The following STARD3 variants were observed in gnomAD, a reference collection of about 807,000 sequenced individuals.
The protein encoded by STARD3 is StAR related lipid transfer domain containing 3.
STARD3 carries 39 observed loss-of-function variants against 62.0 expected under a neutral mutation model. The observed-to-expected ratio is 0.63, with a 90% CI of 0.49 to 0.82. The LOEUF is 0.82. Among genes scored for constraint, STARD3 ranks in the 40% least tolerant of loss-of-function variants. STARD3 has a pLI of 0.00. For missense variants in STARD3, 543 were observed against 584.5 expected, an observed-to-expected ratio of 0.93 and a Z score of 0.73; for synonymous variants, 229 against 242.4, an observed-to-expected ratio of 0.94 and a Z score of 0.51.
At position 39,646,977 on chromosome 17, in the gene STARD3, G is replaced by A. The variant is rs542780568; in HGVS notation, c.-51-6504G>A. ...AGCACTTTGGGAGGCCGAGGTGGGC[G>A]GATCACAAGGTCAAGAGATCGAGAC... On this transcript the variant is annotated intron_variant, in intron 1 of 14. Transcript: ENST00000336308. Among the ~76,000 whole-genome samples the A allele has an allele frequency of 4.6e-5, 7 of 152,156 alleles. No homozygotes were observed. The South Asian group carries it at 8.3e-4, about 18-fold the overall frequency.
Position 39,660,056 on chromosome 17 carries a change from C to A in STARD3, c.796-155C>A. 1 of 691,670 alleles carries A rather than the reference C, an allele frequency of 1.4e-6. No individual in the cohort carries two copies. Among genetic ancestry groups the A allele is most frequent in the Admixed American group, 2.4e-5 (1 of 42,428 alleles). 42.8% of individuals were successfully genotyped at this position (691,670 alleles called of 1,614,324 possible). On this transcript the variant is annotated intron_variant, in intron 9 of 14. Transcript: ENST00000336308. This position sits in a 1 kb window ranked among gnomAD's most constrained non-coding sequence, Gnocchi z 4.8. The stretch of plus-strand genomic sequence containing the variant: ...TGCCAGTGCCATAGGTTTGTTAGAG[C>A]TACTGTTTTGTAACAGCTGCTCAGG...
intron 1 of STARD3, among the ~76,000 whole-genome samples, chr17:39,646,455 G>A (rs1380427490): frequency 6.6e-6 from 1 of 151,978 alleles, no homozygotes; most frequent in Non-Finnish European, 1.5e-5. Flanking sequence ...GCTTTGTTGT[G>A]TTGCCCAGAC....
chr17:39,655,187 T>C (rs894886892), intron 2 of STARD3, among the ~76,000 whole-genome samples: 1 of 152,210 alleles, frequency 6.6e-6, no homozygotes, highest in Non-Finnish European at 1.5e-5. Context: ...AATTTTACTT[T>C]CGTTTTGTTT....
At chr17:39,644,125 T>C (rs1363562479) in intron 1 of STARD3, among the ~76,000 whole-genome samples, 1 of 152,122 alleles carries the variant, frequency 6.6e-6, no homozygotes, top group Non-Finnish European at 1.5e-5. Context: ...GAGGGGGATG[T>C]GTGGAGGACC....
chr17:39,662,428 GCT>G (rs979171626), intron 14 of STARD3, 84 bp downstream of exon 14: 23 of 1,353,132 alleles, frequency 1.7e-5, no homozygotes, highest in Non-Finnish European at 2.4e-5. Context: ...GACTTTGGGG[GCT>G]CTCTGCCATG....
rs147310768 is a variant in STARD3 at position 39,661,075 on chromosome 17, A to C, written c.1129A>C (p.Lys377Gln). 6.2e-7 allele frequency: 1 copy of C among 1,613,414 alleles called. No homozygotes were observed. The highest frequency in any genetic ancestry group is 8.5e-7 in the Non-Finnish European group (1 of 1,180,002). Residue 377 changes from lysine to glutamine, a missense_variant, in exon 13 of 15, where the codon AAA (lysine) becomes CAA (glutamine). Physicochemically the swap from Lys to Gln is moderately conservative, Grantham distance 53. Transcript: ENST00000336308. ...TSHSAKPPTH[K>Q]YVRGENGPGG... The stretch of plus-strand genomic sequence containing the variant: ...ACACAGTGCCAAGCCCCCGACGCAC[A>C]AATATGTCCGGTGAGCCTCACTTTG...
At chr17:39,649,914 A>G (rs1178225948) in intron 1 of STARD3, among the ~76,000 whole-genome samples, 1 of 151,744 alleles carries the variant, frequency 6.6e-6, no homozygotes, top group Non-Finnish European at 1.5e-5. Context: ...ATTCCTTTAT[A>G]CAAAAGAAAT....
At chr17:39,662,712 C>A in intron 14 of STARD3, 92 bp from the exon 15 acceptor site, 2 of 1,247,268 alleles carry the variant, frequency 1.6e-6, no homozygotes, top group South Asian at 1.4e-5. Context: ...CACCTGCATT[C>A]TGGCCCAGAG....
intron 1 of STARD3, among the ~76,000 whole-genome samples, chr17:39,639,586 A>G (rs749443317): frequency 7.9e-5 from 12 of 152,180 alleles, no homozygotes; most frequent in Non-Finnish European, 1.5e-4. Flanking sequence ...GTGGGGGAAC[A>G]GGGGAGACGG....
At position 39,653,649 on chromosome 17, in the gene STARD3, C is replaced by T; in HGVS notation, c.118C>T (p.Pro40Ser). 1 of 1,614,126 alleles carries T rather than the reference C, an allele frequency of 6.2e-7. No homozygotes were observed. The highest frequency in any genetic ancestry group is 8.5e-7 in the Non-Finnish European group (1 of 1,180,040). ...CCTCTCCTCGCACCTCCTTCCGCCG[C>T]CTGAGAAGCGAAGGGCCATCTCTGA... ...QSLSSHLLPP[P>S]EKRRAISDVR... Residue 40 changes from proline to serine, a missense_variant, in exon 2 of 15, where the codon CCT (proline) becomes TCT (serine). Physicochemically the swap from Pro to Ser is moderately conservative, Grantham distance 74 (BLOSUM62 -1). Coordinates refer to ENST00000336308, the MANE Select transcript of STARD3 (RefSeq NM_006804.4).
At position 39,650,634 on chromosome 17, in the gene STARD3, C is replaced by G. The variant is rs534541318; in HGVS notation, c.-51-2847C>G. Among the ~76,000 whole-genome samples the G allele has an allele frequency of 9.1e-4, 139 of 152,164 alleles. 1 individual carries two copies. The highest frequency in any genetic ancestry group is 3.2e-3 in the African/African-American group (133 of 41,518). Reference sequence around the variant, plus strand: ...CCAGCTTGGGTAACATAGTGAGACCCTCGTCTCTAAAAAAAATAAAATAAA... The same window carrying G: ...CCAGCTTGGGTAACATAGTGAGACCGTCGTCTCTAAAAAAAATAAAATAAA... On this transcript the variant is annotated intron_variant, in intron 1 of 14. Coordinates refer to ENST00000336308, the MANE Select transcript of STARD3 (RefSeq NM_006804.4).
Position 39,662,907 on chromosome 17 carries a change from G to A in STARD3, c.1337G>A (p.Ter446=). The A allele has an allele frequency of 6.2e-7, 1 of 1,610,118 alleles. No homozygotes were observed. Among genetic ancestry groups the A allele is most frequent in the East Asian group, 2.2e-5 (1 of 44,516 alleles). The change falls in exon 15 of 15, where the codon TGA becomes TAA. Residue 446 remains the stop codon, a stop_retained_variant. Transcript: ENST00000336308. ...QRISELGARA[*] ...ATCAGCGAGCTGGGGGCCCGGGCGT[G>A]ACTGTGCCCCCTCCCACCCTGCGGG... is the stretch of plus-strand genomic sequence containing the variant.
In STARD3 at chr17:39,659,819, G is replaced by T. The variant is rs1018248541; in HGVS notation, c.795+266G>T. 10 of 495,882 alleles carry T rather than the reference G, an allele frequency of 2.0e-5. No homozygotes were observed. In the South Asian group the frequency reaches 2.3e-4, roughly 11 times the overall value. The allele number at this position is 495,882 out of a possible 1,614,324, so 30.7% of individuals were successfully genotyped here. A position where few individuals can be genotyped will look rare whatever the true frequency, so the allele number is the denominator to read the frequency against. ...CTCCAGGCTTTGAAGGGGAAGCCAG[G>T]CTTCTGCTCTGCATCCGTTGTTTCG... On this transcript the variant is annotated intron_variant, in intron 9 of 14. Transcript: ENST00000336308.
chr17:39,657,932 C>G (rs753884396), intron 4 of STARD3, 41 bp from the exon 5 acceptor site: 2 of 1,609,688 alleles, frequency 1.2e-6, no homozygotes, highest in Admixed American at 1.7e-5. Context: ...ACTCACTTCC[C>G]AGCCTCTGCC....
chr17:39,660,555 C>G lies in STARD3; in HGVS notation c.954+29C>G. ...AGCCCAGTCTGGCTGCCTCTTAAGG[C>G]ACAGATGGGGGCACAGCCACGCCTC... On this transcript the variant is annotated intron_variant, in intron 11 of 14. Transcript: ENST00000336308. This position sits in a 1 kb window ranked among gnomAD's most constrained non-coding sequence, Gnocchi z 4.8. 6.2e-7 allele frequency: 1 copy of G among 1,610,606 alleles called. No homozygotes were observed. Among genetic ancestry groups the G allele is most frequent in the African/African-American group, 1.3e-5 (1 of 74,970 alleles).
chr17:39,659,437 T>C lies in STARD3; in HGVS notation c.703-24T>C, dbSNP rs760111049. The C allele has an allele frequency of 4.2e-5, 67 of 1,610,984 alleles. No individual in the cohort carries two copies. In the African/African-American group the frequency reaches 8.5e-4, roughly 21 times the overall value. On this transcript the variant is annotated intron_variant, in intron 8 of 14. Coordinates refer to ENST00000336308, the MANE Select transcript of STARD3 (RefSeq NM_006804.4). ...GGACTGCAGGCCCCAGGCTGACCCC[T>C]CCCTGCCTCCTGCTTCCGTCCAGGA...
rs779171841 is a variant in STARD3, at chr17:39,659,963, A to C, written c.796-248A>C. On this transcript the variant is annotated intron_variant, in intron 9 of 14. Transcript: ENST00000336308. ...GTGGCAGCCCCATTGGCCTGGAGAC[A>C]TGGTTTTTTGTGGTTGCAGCTGCAG... 1.1e-3 allele frequency: 634 copies of C among 573,952 alleles called. 2 individuals carry two copies. The highest frequency in any genetic ancestry group is 1.7e-3 in the Non-Finnish European group (559 of 321,808). 35.6% of individuals were successfully genotyped at this position (573,952 alleles called of 1,614,324 possible).
chr17:39,659,122 C>T lies in STARD3; in HGVS notation c.702+16C>T. ...CTCTGCTCAGGTATTTGCCTGCCTACCCCTAACCCCTGCCCTTGGAATGGG... is the reference window on the plus strand; with the variant it reads ...CTCTGCTCAGGTATTTGCCTGCCTATCCCTAACCCCTGCCCTTGGAATGGG... On this transcript the variant is annotated intron_variant, in intron 8 of 14. Transcript: ENST00000336308. 1 of 1,614,130 alleles carries T rather than the reference C, an allele frequency of 6.2e-7. No homozygotes were observed. The highest frequency in any genetic ancestry group is 8.5e-7 in the Non-Finnish European group (1 of 1,179,984).
chr17:39,659,835 C>T (rs1293380106), intron 9 of STARD3: 7 of 487,594 alleles, frequency 1.4e-5, no homozygotes, highest in South Asian at 4.6e-5. Flanking sequence ...GCTCTGCATC[C>T]GTTGTTTCGT....
Sources: allele counts gnomAD v4.1 joint callset (sites outside exome capture counted in the v4.1 genomes callset), GRCh38; gene constraint gnomAD v4.1.1; non-coding constraint Gnocchi (gnomAD v3.1); transcripts MANE v1.5; gene names NCBI Gene and HGNC (gene_info 2026-07-23, HGNC 2026-07-21).